CORO2B: variants seen among roughly 807,000 people sequenced by gnomAD.
CORO2B encodes the protein coronin 2B.
A neutral mutation model predicts 58.8 loss-of-function variants in CORO2B; 26 were observed. The ratio of observed to expected loss-of-function variants is 0.44; its 90% CI spans 0.32 to 0.61. The LOEUF (loss-of-function observed/expected upper bound fraction) is 0.61. Among genes scored for constraint, CORO2B ranks in the 20% least tolerant of loss-of-function variants. The pLI is 0.04. For missense variants in CORO2B, 460 were observed against 645.1 expected, an observed-to-expected ratio of 0.71 and a Z score of 3.11; for synonymous variants, 242 against 253.8, an observed-to-expected ratio of 0.95 and a Z score of 0.44.
intron 2 of CORO2B, among the ~76,000 whole-genome samples, chr15:68,672,314 C>A (rs1902430082): frequency 6.6e-6 from 1 of 152,118 alleles, no homozygotes; most frequent in Non-Finnish European, 1.5e-5. Context: ...TAGCTCACTG[C>A]AGCCTCAGTC....
intron 2 of CORO2B, among the ~76,000 whole-genome samples, chr15:68,675,653 A>G (rs986845981): frequency 1.3e-5 from 2 of 152,310 alleles, no homozygotes; most frequent in East Asian, 1.9e-4. Flanking sequence ...ATGTTTATAG[A>G]TCTATTTTTG....
At chr15:68,633,288 C>A (rs1281228222) in intron 1 of CORO2B, among the ~76,000 whole-genome samples, 1 of 152,038 alleles carries the variant, frequency 6.6e-6, no homozygotes, top group Admixed American at 6.6e-5. Flanking sequence ...TCTTTCCTTG[C>A]TGGGTCCTAA....
chr15:68,623,186 A>C lies in CORO2B; in HGVS notation c.16-21974A>C, dbSNP rs201758469. Among the ~76,000 whole-genome samples the C allele has an allele frequency of 1.8e-4, 27 of 152,322 alleles. No homozygotes were observed. The East Asian group carries it at 5.0e-3, about 28-fold the overall frequency. Reference sequence around the variant, plus strand: ...TCTCAATTAAAAGAAAATAAAATTTAAATTAAAAAAAGATGAGGAAGCAGA... The same window carrying C: ...TCTCAATTAAAAGAAAATAAAATTTCAATTAAAAAAAGATGAGGAAGCAGA... On this transcript the variant is annotated intron_variant, in intron 1 of 11. Transcript: ENST00000261861.
chr15:68,690,356 CT>C (rs1892327398), intron 2 of CORO2B, among the ~76,000 whole-genome samples: 1 of 152,154 alleles, frequency 6.6e-6, no homozygotes, highest in Non-Finnish European at 1.5e-5. Flanking sequence ...TTAGCTGTTT[CT>C]TTTTGCACTT....
intron 1 of CORO2B, among the ~76,000 whole-genome samples, chr15:68,625,107 G>A (rs1415082019): frequency 2.0e-5 from 3 of 152,130 alleles, no homozygotes; most frequent in African/African-American, 4.8e-5. Context: ...CTGTTCCTGA[G>A]CCTCCTTGCA....
intron 1 of CORO2B, among the ~76,000 whole-genome samples, chr15:68,634,394 T>A (rs1900962765): frequency 6.6e-6 from 1 of 152,230 alleles, no homozygotes; most frequent in Non-Finnish European, 1.5e-5. Flanking sequence ...GATAAAATAA[T>A]CTTTGTTGAG....
In CORO2B at chr15:68,606,921, G is replaced by T. The variant is rs894387973; in HGVS notation, c.15+27644G>T. Among the ~76,000 whole-genome samples, 4 of 152,142 alleles carry T rather than the reference G, an allele frequency of 2.6e-5. 1 individual carries two copies. Among genetic ancestry groups the T allele is most frequent in the African/African-American group, 9.7e-5 (4 of 41,432 alleles). Reference sequence around the variant, plus strand: ...CTCAATATATCCTCCATTGACTGTGGATTGACTCGGAACCAGGAAAGGGGC... The same window carrying T: ...CTCAATATATCCTCCATTGACTGTGTATTGACTCGGAACCAGGAAAGGGGC... On this transcript the variant is annotated intron_variant, in intron 1 of 11. Coordinates refer to ENST00000261861, the MANE Select transcript of CORO2B (RefSeq NM_006091.5).
rs139898717 is a variant in CORO2B, at chr15:68,673,567, G to A, written c.217-21573G>A. 2.9e-3 allele frequency among the ~76,000 whole-genome samples: 436 copies of A among 152,164 alleles called. 2 individuals carry two copies. Among genetic ancestry groups the A allele is most frequent in the African/African-American group, 9.9e-3 (412 of 41,524 alleles). On this transcript the variant is annotated intron_variant, in intron 2 of 11. Transcript: ENST00000261861. ...AAGGAAAGTGTCTTGGCCGGGCTCCGTGGCACATGCCTGTAATCCCAGCAC... is the reference window on the plus strand; with the variant it reads ...AAGGAAAGTGTCTTGGCCGGGCTCCATGGCACATGCCTGTAATCCCAGCAC...
the CORO2B span, among the ~76,000 whole-genome samples, chr15:68,529,271 C>G: frequency 2.9e-4 from 44 of 152,228 alleles, 1 homozygote; most frequent in Admixed American, 1.0e-3. Flanking sequence ...GCTTTTTGCT[C>G]TCTATATCCT....
At chr15:68,562,099 A>C in the CORO2B span, among the ~76,000 whole-genome samples, 1 of 152,192 alleles carries the variant, frequency 6.6e-6, no homozygotes, top group Non-Finnish European at 1.5e-5. Context: ...GTTGTCCTCC[A>C]GCCACCCCTT....
chr15:68,547,036 TA>T, the CORO2B span, among the ~76,000 whole-genome samples: 11 of 152,024 alleles, frequency 7.2e-5, no homozygotes, highest in Non-Finnish European at 1.0e-4. Context: ...AAGTAAATTA[TA>T]AAACAAATAA....
chr15:68,668,414 AC>A (rs5813505), intron 2 of CORO2B, among the ~76,000 whole-genome samples: 32,095 of 152,174 alleles, frequency 0.21, 3,590 homozygotes, highest in Non-Finnish European at 0.25. Flanking sequence ...CGTTAAGATT[AC>A]ATCAGACAGT....
At chr15:68,693,008 T>C (rs964833452) in intron 2 of CORO2B, among the ~76,000 whole-genome samples, 5 of 152,234 alleles carry the variant, frequency 3.3e-5, no homozygotes, top group Non-Finnish European at 5.9e-5. Flanking sequence ...TCATAGAATA[T>C]TGAAAGGAAG....
At chr15:68,602,259 T>C (rs1166300245) in intron 1 of CORO2B, among the ~76,000 whole-genome samples, 1 of 152,074 alleles carries the variant, frequency 6.6e-6, no homozygotes, top group Admixed American at 6.5e-5. Flanking sequence ...TAGGTTTATG[T>C]TTTAAAAGAC....
intron 1 of CORO2B, among the ~76,000 whole-genome samples, chr15:68,639,331 A>T (rs1242020533): frequency 6.6e-6 from 1 of 152,220 alleles, no homozygotes; most frequent in Non-Finnish European, 1.5e-5. Flanking sequence ...TGATCTGGTA[A>T]CTTACAAACC....
At chr15:68,658,454 A>C (rs982570486) in intron 2 of CORO2B, among the ~76,000 whole-genome samples, 6 of 152,264 alleles carry the variant, frequency 3.9e-5, no homozygotes, top group Non-Finnish European at 8.8e-5. Context: ...GCCAGATAAC[A>C]ACCTGGGTAG....
intron 2 of CORO2B, among the ~76,000 whole-genome samples, chr15:68,648,029 CA>C (rs59821203): frequency 4.4e-4 from 37 of 84,296 alleles, no homozygotes; most frequent in African/African-American, 1.1e-3. Context: ...TCCTGTCTCT[CA>C]AAAAAAAAAA....
chr15:68,605,703 G>A (rs965811970), intron 1 of CORO2B, among the ~76,000 whole-genome samples: 2 of 148,002 alleles, frequency 1.4e-5, no homozygotes, highest in African/African-American at 5.1e-5. Context: ...GTCACAGAGG[G>A]CTCTTGGGTT....
At chr15:68,543,866 C>G in the CORO2B span, among the ~76,000 whole-genome samples, 2 of 152,168 alleles carry the variant, frequency 1.3e-5, no homozygotes, top group African/African-American at 4.8e-5. Flanking sequence ...CCCTGTCCAG[C>G]CTTCTGCCCA....
Sources: allele counts gnomAD v4.1 joint callset (sites outside exome capture counted in the v4.1 genomes callset), GRCh38; gene constraint gnomAD v4.1.1; transcripts MANE v1.5; gene names NCBI Gene and HGNC (gene_info 2026-07-23, HGNC 2026-07-21).